Variants in GDPD5 observed in about 807,000 individuals in gnomAD.
GDPD5 encodes glycerophosphodiester phosphodiesterase domain containing 5, also known as glycerophosphodiester phosphodiesterase 2.
A neutral mutation model predicts 75.1 loss-of-function variants in GDPD5; 48 were observed. The ratio of observed to expected loss-of-function variants is 0.64; its 90% CI spans 0.51 to 0.81. The LOEUF is 0.81. GDPD5 is among the 40% of genes least tolerant of loss of function. The pLI is 0.00. For synonymous variants in GDPD5, 336 were observed against 339.0 expected, an observed-to-expected ratio of 0.99 and a Z score of 0.10; for missense variants, 706 against 822.6, an observed-to-expected ratio of 0.86 and a Z score of 1.73.
chr11:75,451,082 A>G (rs1045723674), intron 6 of GDPD5: 1 of 152,304 alleles, frequency 6.6e-6, no homozygotes, highest in Admixed American at 6.5e-5. Flanking sequence ...TCTGATGCCG[A>G]GCAGGGACAG....
chr11:75,444,414 T>G lies in GDPD5; in HGVS notation c.796A>C (p.Ser266Arg). ...CTATCTCCCCTCCGCTACACCTACC[T>G]GATGGTAATGTCAGCCTGGAGCCCG... ...LYGLQADITISLDGVPFLMHD... is the reference protein window; with the variant it reads ...LYGLQADITIRLDGVPFLMHD... The change falls in exon 10 of 17, where the codon AGC (serine) becomes CGC (arginine). Residue 266 changes from serine to arginine, a missense_variant and splice_region_variant. Transcript: ENST00000336898. The G allele has an allele frequency of 6.2e-7, 1 of 1,611,060 alleles. No homozygotes were observed. Among genetic ancestry groups the G allele is most frequent in the Non-Finnish European group, 8.5e-7 (1 of 1,177,416 alleles).
At chr11:75,502,762 C>T (rs981959123) in intron 1 of GDPD5, among the ~76,000 whole-genome samples, 3 of 152,216 alleles carry the variant, frequency 2.0e-5, no homozygotes, top group Non-Finnish European at 2.9e-5. Flanking sequence ...GAGCCCTGCA[C>T]CACCGTGTAG....
chr11:75,456,315 T>C (rs1379079782), intron 6 of GDPD5, among the ~76,000 whole-genome samples: 1 of 152,074 alleles, frequency 6.6e-6, no homozygotes, highest in African/African-American at 2.4e-5. Context: ...GGGAATGCCA[T>C]CGCCAGATCA....
chr11:75,512,432 G>C (rs907676967), intron 1 of GDPD5, among the ~76,000 whole-genome samples: 2 of 152,084 alleles, frequency 1.3e-5, no homozygotes, highest in African/African-American at 4.8e-5. Flanking sequence ...AACACATGCA[G>C]CAGCCCAGGG....
chr11:75,468,275 A>G (rs1208903230), intron 3 of GDPD5, among the ~76,000 whole-genome samples: 1 of 152,224 alleles, frequency 6.6e-6, no homozygotes, highest in Non-Finnish European at 1.5e-5. Context: ...ACAGAATTTC[A>G]GAATCGCAGA....
chr11:75,487,968 G>T (rs1354881134), intron 2 of GDPD5, among the ~76,000 whole-genome samples: 19 of 152,174 alleles, frequency 1.2e-4, no homozygotes, highest in African/African-American at 3.9e-4. Flanking sequence ...ATTATCCCTG[G>T]ATTTCAGACT....
intron 1 of GDPD5, among the ~76,000 whole-genome samples, chr11:75,511,721 C>A (rs139633937): frequency 6.6e-6 from 1 of 152,244 alleles, no homozygotes; most frequent in Non-Finnish European, 1.5e-5. Flanking sequence ...CCTCAGCCAC[C>A]ACCACCAATA....
chr11:75,472,512 G>T (rs1346188481), intron 3 of GDPD5, among the ~76,000 whole-genome samples: 1 of 152,000 alleles, frequency 6.6e-6, no homozygotes, highest in African/African-American at 2.4e-5. Flanking sequence ...GATCTGGGAG[G>T]TCCCTCTGGC....
chr11:75,462,751 G>C lies in GDPD5; in HGVS notation c.221+35C>G, dbSNP rs780629523. ...CCCAGCTACTGGATACCCAGCTCTG[G>C]GCCCCTTCCTCCCCCACCCACTGCC... On this transcript the variant is annotated intron_variant, in intron 4 of 16. Coordinates refer to ENST00000336898, the MANE Select transcript of GDPD5 (RefSeq NM_030792.8). 14 of 1,537,326 alleles carry C rather than the reference G, an allele frequency of 9.1e-6. No individual in the cohort carries two copies. In the South Asian group the frequency reaches 1.4e-4, roughly 15 times the overall value.
rs575520727 is a variant in GDPD5, at chr11:75,435,368, C to T, written c.*139G>A. 1.0e-4 allele frequency: 75 copies of T among 732,032 alleles called. No individual in the cohort carries two copies. The highest frequency in any genetic ancestry group is 4.3e-4 in the South Asian group (18 of 42,210). The allele number at this position is 732,032 out of a possible 1,614,324, so 45.3% of individuals were successfully genotyped here. ...AGGGAGTCCCCCTCAAGAGAGGCTG[C>T]GGCTGACAAGGGGCTGGAGCCCACA... is the stretch of plus-strand genomic sequence containing the variant. On this transcript the variant is annotated 3_prime_UTR_variant, in exon 17 of 17. Transcript: ENST00000336898.
At chr11:75,462,433 A>T (rs1318491226) in intron 4 of GDPD5, among the ~76,000 whole-genome samples, 1 of 152,218 alleles carries the variant, frequency 6.6e-6, no homozygotes, top group Non-Finnish European at 1.5e-5. Flanking sequence ...TTTAAGGCCC[A>T]GTTCCCATGC....
At chr11:75,498,034 C>A (rs1950242400) in intron 1 of GDPD5, among the ~76,000 whole-genome samples, 1 of 151,620 alleles carries the variant, frequency 6.6e-6, no homozygotes, top group African/African-American at 2.4e-5. Context: ...CAAGGTCACA[C>A]AGCAGGTGAC....
At chr11:75,481,347 T>C (rs1332678195) in intron 2 of GDPD5, among the ~76,000 whole-genome samples, 2 of 152,158 alleles carry the variant, frequency 1.3e-5, no homozygotes, top group African/African-American at 4.8e-5. Context: ...AGTGCGGAGA[T>C]TACAGCCTGC....
chr11:75,456,051 T>A (rs1044387525), intron 6 of GDPD5, among the ~76,000 whole-genome samples: 4 of 151,680 alleles, frequency 2.6e-5, no homozygotes, highest in African/African-American at 9.7e-5. Flanking sequence ...GCTGAGGAAG[T>A]CCCGGGAGAG....
In GDPD5 at chr11:75,515,642, G is replaced by A. The variant is rs188873114; in HGVS notation, c.-145+9568C>T. On this transcript the variant is annotated intron_variant, in intron 1 of 16. Transcript: ENST00000336898. ...GTGGCAATGACTGCCCAGCTCTAAG[G>A]AAGGTGTGTGAAGTGGCCACATCAT... 3.1e-3 allele frequency among the ~76,000 whole-genome samples: 478 copies of A among 152,360 alleles called. 1 individual carries two copies. The highest frequency in any genetic ancestry group is 4.7e-3 in the Non-Finnish European group (323 of 68,038).
chr11:75,480,029 G>A (rs541119487), intron 2 of GDPD5, among the ~76,000 whole-genome samples: 22 of 152,196 alleles, frequency 1.4e-4, no homozygotes, highest in South Asian at 1.0e-3. Context: ...TTGTGTGAAC[G>A]TGTGTTTTCA....
intron 1 of GDPD5, among the ~76,000 whole-genome samples, chr11:75,497,832 GGCTGGGA>G (rs1224774690): frequency 6.6e-6 from 1 of 152,176 alleles, no homozygotes; most frequent in Non-Finnish European, 1.5e-5. Flanking sequence ...CCGGCCATGG[GGCTGGGA>G]GCAGGTCCTG....
intron 9 of GDPD5, chr11:75,448,437 G>A: frequency 7.3e-6 from 7 of 963,656 alleles, no homozygotes; most frequent in Non-Finnish European, 8.6e-6. Flanking sequence ...AGCTGGTGAG[G>A]AGCTGTGCTG....
chr11:75,444,515 G>A lies in GDPD5; in HGVS notation c.715-20C>T. ...AGCCAGCTGGGGAAGAAGGGGTGGT[G>A]AAGGGAGAGCCAAGATTCAGCTGAT... On this transcript the variant is annotated intron_variant, in intron 9 of 16. Coordinates refer to ENST00000336898, the MANE Select transcript of GDPD5 (RefSeq NM_030792.8). 6.3e-7 allele frequency: 1 copy of A among 1,592,424 alleles called. No homozygotes were observed.
Sources: allele counts gnomAD v4.1 joint callset (sites outside exome capture counted in the v4.1 genomes callset), GRCh38; gene constraint gnomAD v4.1.1; transcripts MANE v1.5; gene names NCBI Gene and HGNC (gene_info 2026-07-23, HGNC 2026-07-21).